Variants in KCNH8 observed in about 807,000 individuals in gnomAD.
The protein encoded by KCNH8 is potassium voltage-gated channel subfamily H member 8, also known as voltage-gated delayed rectifier potassium channel KCNH8.
Under a neutral mutation model 103.6 loss-of-function variants are expected in KCNH8, and 70 were observed. The ratio of observed to expected loss-of-function variants is 0.68; its 90% CI spans 0.56 to 0.82. The LOEUF (loss-of-function observed/expected upper bound fraction) is 0.82, where lower values mean the gene tolerates loss of function less well. Ranked by LOEUF, KCNH8 falls within the 40% of genes least tolerant of loss-of-function variation. The pLI, the probability that KCNH8 is intolerant of heterozygous loss-of-function variation, is 0.00. For missense variants in KCNH8, 1,217 were observed against 1,329.9 expected (o/e 0.92, Z 1.32); for synonymous variants, 498 against 489.4 (o/e 1.02, Z -0.23).
In KCNH8 at chr3:19,450,088, C is replaced by G. The variant is rs1246524921; in HGVS notation, c.1376-18C>G. 1 of 1,606,508 alleles carries G rather than the reference C, an allele frequency of 6.2e-7. No individual in the cohort carries two copies. The highest frequency in any genetic ancestry group is 1.3e-5 in the African/African-American group (1 of 74,816). ...TGTCACATTTCTCTTCCATTATATA[C>G]TGTGTTGTTCTTTCTAGCCTTGATG... is the stretch of plus-strand genomic sequence containing the variant. On this transcript the variant is annotated intron_variant, in intron 8 of 15. Coordinates refer to ENST00000328405, the MANE Select transcript of KCNH8 (RefSeq NM_144633.3).
At position 19,161,282 on chromosome 3, in the gene KCNH8, A is replaced by G. The variant is rs111430064; in HGVS notation, c.76+12487A>G. Among the ~76,000 whole-genome samples the G allele has an allele frequency of 3.8e-3, 586 of 152,322 alleles. 2 individuals are homozygous for G. Among genetic ancestry groups the G allele is most frequent in the African/African-American group, 0.013 (555 of 41,570 alleles). ...GGCATCCACCAGGTGGTATTGGAAC[A>G]TATCCGTCTCAGGTAAGGGGGAATT... On this transcript the variant is annotated intron_variant, in intron 1 of 15. Coordinates refer to ENST00000328405, the MANE Select transcript of KCNH8 (RefSeq NM_144633.3).
intron 11 of KCNH8, among the ~76,000 whole-genome samples, chr3:19,486,654 G>GT: frequency 6.6e-6 from 1 of 152,286 alleles, no homozygotes; most frequent in Admixed American, 6.5e-5. Context: ...ACAGGCCAAC[G>GT]TAAGTTTTTC....
intron 3 of KCNH8, among the ~76,000 whole-genome samples, chr3:19,283,184 C>G (rs1453869687): frequency 6.6e-6 from 1 of 152,152 alleles, no homozygotes; most frequent in Admixed American, 6.6e-5. Flanking sequence ...ACTAGTAGAG[C>G]TGCTGGCACT....
At chr3:19,416,439 T>C (rs900522267) in intron 7 of KCNH8, among the ~76,000 whole-genome samples, 1 of 152,194 alleles carries the variant, frequency 6.6e-6, no homozygotes, top group African/African-American at 2.4e-5. Context: ...TAGGTCAAGC[T>C]TCTGAATTGA....
chr3:19,385,270 A>C (rs1299145098), intron 5 of KCNH8, among the ~76,000 whole-genome samples: 3 of 152,194 alleles, frequency 2.0e-5, no homozygotes, highest in Non-Finnish European at 2.9e-5. Flanking sequence ...TGATCTTTAT[A>C]AATTATATGA....
chr3:19,456,132 A>G (rs2067528948), intron 10 of KCNH8, among the ~76,000 whole-genome samples: 1 of 152,102 alleles, frequency 6.6e-6, no homozygotes, highest in Non-Finnish European at 1.5e-5. Flanking sequence ...GTCTATAAAT[A>G]TAGATTTTAG....
At chr3:19,267,772 C>G (rs922356348) in intron 2 of KCNH8, among the ~76,000 whole-genome samples, 1 of 152,152 alleles carries the variant, frequency 6.6e-6, no homozygotes, top group Non-Finnish European at 1.5e-5. Context: ...TATTGACTCT[C>G]AGAGTCTACA....
intron 1 of KCNH8, among the ~76,000 whole-genome samples, chr3:19,210,273 T>G (rs1172340449): frequency 6.6e-6 from 1 of 152,102 alleles, no homozygotes; most frequent in Non-Finnish European, 1.5e-5. Flanking sequence ...TCGATGTTTT[T>G]TTTCTTTCTT....
At chr3:19,319,738 T>G (rs867688155) in intron 3 of KCNH8, among the ~76,000 whole-genome samples, 2 of 152,120 alleles carry the variant, frequency 1.3e-5, no homozygotes, top group Admixed American at 1.3e-4. Flanking sequence ...TTGCATTGAA[T>G]TTGCAGATTG....
At chr3:19,193,720 T>C (rs80141232) in intron 1 of KCNH8, among the ~76,000 whole-genome samples, 6,273 of 151,816 alleles carry the variant, frequency 0.041, 463 homozygotes, top group African/African-American at 0.14. Context: ...GAGTATTAAA[T>C]TGGAGATAAC....
chr3:19,260,494 A>G (rs2064417585), intron 2 of KCNH8, among the ~76,000 whole-genome samples: 1 of 42,352 alleles, frequency 2.4e-5, no homozygotes, highest in Non-Finnish European at 4.2e-5. Context: ...TAGGATATAT[A>G]TATATATATA....
At chr3:19,262,287 T>A (rs1327693745) in intron 2 of KCNH8, among the ~76,000 whole-genome samples, 1 of 152,028 alleles carries the variant, frequency 6.6e-6, no homozygotes, top group Non-Finnish European at 1.5e-5. Context: ...CTTTCATCAG[T>A]GTCGTATAGC....
chr3:19,150,909 T>A lies in KCNH8; in HGVS notation c.76+2114T>A, dbSNP rs76178546. Among the ~76,000 whole-genome samples, 889 of 152,198 alleles carry A rather than the reference T, an allele frequency of 5.8e-3. 6 individuals are homozygous for A. Among genetic ancestry groups the A allele is most frequent in the Non-Finnish European group, 9.6e-3 (650 of 68,020 alleles). Reference sequence around the variant, plus strand: ...TTGAAGGTGATAAGTAACATAAGGGTTGACTTTGGCAAGGTTTTGTTTACA... The same window carrying A: ...TTGAAGGTGATAAGTAACATAAGGGATGACTTTGGCAAGGTTTTGTTTACA... On this transcript the variant is annotated intron_variant, in intron 1 of 15. Coordinates refer to ENST00000328405, the MANE Select transcript of KCNH8 (RefSeq NM_144633.3).
chr3:19,308,458 A>G (rs1182476162), intron 3 of KCNH8, among the ~76,000 whole-genome samples: 1 of 151,872 alleles, frequency 6.6e-6, no homozygotes, highest in African/African-American at 2.4e-5. Flanking sequence ...AGGATATTTC[A>G]AGGTTTGTCC....
intron 11 of KCNH8, among the ~76,000 whole-genome samples, chr3:19,486,590 T>G (rs1407742535): frequency 6.6e-6 from 1 of 152,052 alleles, no homozygotes; most frequent in African/African-American, 2.4e-5. Flanking sequence ...CCATTTTTTT[T>G]CTTTTTGACA....
intron 1 of KCNH8, among the ~76,000 whole-genome samples, chr3:19,245,552 A>C (rs1398172364): frequency 6.6e-6 from 1 of 152,210 alleles, no homozygotes; most frequent in Admixed American, 6.5e-5. Context: ...TTTTGATGGT[A>C]TGGACAGATA....
chr3:19,469,327 GT>G (rs1305004519), intron 11 of KCNH8, among the ~76,000 whole-genome samples: 3 of 152,272 alleles, frequency 2.0e-5, no homozygotes, highest in African/African-American at 7.2e-5. Context: ...GCAGTGAACT[GT>G]TTTACACTTT....
chr3:19,269,194 C>T lies in KCNH8; in HGVS notation c.311-12004C>T, dbSNP rs1038350452. On this transcript the variant is annotated intron_variant, in intron 2 of 15. Coordinates refer to ENST00000328405, the MANE Select transcript of KCNH8 (RefSeq NM_144633.3). ...CAGATGAAAAAAATAACTTATAACT[C>T]GGACCATCTCAACCCATTGGCAATA... Among the ~76,000 whole-genome samples, 5 of 151,998 alleles carry T rather than the reference C, an allele frequency of 3.3e-5. No homozygotes were observed. In the East Asian group the frequency reaches 5.8e-4, roughly 18 times the overall value.
chr3:19,353,536 C>T (rs866142882), intron 5 of KCNH8, among the ~76,000 whole-genome samples: 2 of 152,082 alleles, frequency 1.3e-5, no homozygotes, highest in African/African-American at 2.4e-5. Flanking sequence ...TTATCCACCA[C>T]GATCAAGTTG....
Sources: gnomAD v4.1 joint callset for allele counts (sites outside exome capture counted in the v4.1 genomes callset) on GRCh38, gnomAD v4.1.1 for gene constraint, MANE v1.5 for transcripts, NCBI Gene and HGNC (gene_info 2026-07-23, HGNC 2026-07-21) for gene names.